The following ELFN1 variants were observed in gnomAD, a reference collection of about 807,000 sequenced individuals.
The protein encoded by ELFN1 is extracellular leucine rich repeat and fibronectin type III domain containing 1.
In ELFN1, 6 loss-of-function variants were observed where a neutral mutation model predicts 7.6. That is an observed-to-expected ratio of 0.79 (90% CI 0.43 to 1.56). ELFN1 has a LOEUF of 1.56. Ranked by LOEUF, ELFN1 falls within the 40% of genes most tolerant of loss-of-function variation. ELFN1 has a pLI of 0.01. For synonymous variants in ELFN1, 657 were observed against 588.1 expected (o/e 1.12, Z -1.70); for missense variants, 1,169 against 1,232.2 (o/e 0.95, Z 0.77).
chr7:1,670,167 G>A (rs1778734654), upstream of ELFN1, among the ~76,000 whole-genome samples: 1 of 142,982 alleles, frequency 7.0e-6, no homozygotes, highest in Non-Finnish European at 1.6e-5. The surrounding 1 kb of genome is among the most constrained non-coding windows in gnomAD (Gnocchi z 6.4). Context: ...GGGAGGGAGG[G>A]AGGGAAGGGG....
In ELFN1 at chr7:1,747,520, G is replaced by A. The variant is rs1278474463; in HGVS notation, c.*437G>A. 1.3e-4 allele frequency: 22 copies of A among 165,356 alleles called. No individual in the cohort carries two copies. Among genetic ancestry groups the A allele is most frequent in the Non-Finnish European group, 1.5e-5 (1 of 68,260 alleles). The allele number at this position is 165,356 out of a possible 1,614,324, so 10.2% of individuals were successfully genotyped here. A position where few individuals can be genotyped will look rare whatever the true frequency, so the allele number is the denominator to read the frequency against. ...TAAAAAGACATAAAATGCCATCCGT[G>A]GGGGGTGTGGCCGGCGTGGCCACCT... On this transcript the variant is annotated 3_prime_UTR_variant, in exon 4 of 4. Coordinates refer to ENST00000424383, the MANE Select transcript of ELFN1 (RefSeq NM_001128636.4).
intron 3 of ELFN1, among the ~76,000 whole-genome samples, chr7:1,713,342 C>T (rs563998565): frequency 1.3e-5 from 2 of 152,304 alleles, no homozygotes; most frequent in South Asian, 2.1e-4. Flanking sequence ...GGCTCCTGTG[C>T]GGTCTGACGG....
chr7:1,667,690 G>A (rs1778690823), upstream of ELFN1, among the ~76,000 whole-genome samples: 1 of 152,154 alleles, frequency 6.6e-6, no homozygotes, highest in African/African-American at 2.4e-5. The surrounding 1 kb of genome is among the most constrained non-coding windows in gnomAD (Gnocchi z 8.2). Context: ...GGCCAGCGCC[G>A]GCCCCGCCCC....
intron 2 of ELFN1, chr7:1,693,665 A>G (rs1195291282): frequency 2.1e-6 from 1 of 471,186 alleles, no homozygotes; most frequent in Non-Finnish European, 4.4e-6. Context: ...GAGCACAGAC[A>G]CATGCGTGCA....
At chr7:1,704,242 G>T (rs1203146548) in intron 2 of ELFN1, among the ~76,000 whole-genome samples, 1 of 152,144 alleles carries the variant, frequency 6.6e-6, no homozygotes, top group African/African-American at 2.4e-5. Flanking sequence ...GGGCTGGTGG[G>T]TGGGGCCACC....
rs924111982 is a variant in ELFN1 at position 1,670,432 on chromosome 7, GC to G, written c.-549+84del. 1.3e-4 allele frequency among the ~76,000 whole-genome samples: 19 copies of G among 151,740 alleles called. No homozygotes were observed. The highest frequency in any genetic ancestry group is 1.2e-3 in the South Asian group (6 of 4,814). ...CACCCCCGGGGAGCGGCGCGGCCAA[GC>G]CCCCCGCCACCTCGAACCCCGGGCG... On this transcript the variant is annotated intron_variant, in intron 1 of 3. Transcript: ENST00000424383. This position sits in a 1 kb window ranked among gnomAD's most constrained non-coding sequence, Gnocchi z 6.4.
In ELFN1 at chr7:1,670,402, C is replaced by T. The variant is rs1010625222; in HGVS notation, c.-549+48C>T. On this transcript the variant is annotated intron_variant, in intron 1 of 3. Transcript: ENST00000424383. This position sits in a 1 kb window ranked among gnomAD's most constrained non-coding sequence, Gnocchi z 6.4. ...CGCTGAACCTGGGGGACTTGGGACCCGGACCACCCCCGGGGAGCGGCGCGG... is the reference window on the plus strand; with the variant it reads ...CGCTGAACCTGGGGGACTTGGGACCTGGACCACCCCCGGGGAGCGGCGCGG... Among the ~76,000 whole-genome samples the T allele has an allele frequency of 2.0e-5, 3 of 151,672 alleles. No homozygotes were observed. Among genetic ancestry groups the T allele is most frequent in the Non-Finnish European group, 4.4e-5 (3 of 67,856 alleles).
intron 2 of ELFN1, among the ~76,000 whole-genome samples, chr7:1,694,754 G>A (rs1033974133): frequency 2.6e-5 from 4 of 152,182 alleles, no homozygotes; most frequent in African/African-American, 9.7e-5. Context: ...CCCGCACAGC[G>A]GTCCTTTGCC....
chr7:1,746,530 C>G lies in ELFN1; in HGVS notation c.1934C>G (p.Ser645Cys), dbSNP rs754344742. 7.7e-6 allele frequency: 11 copies of G among 1,432,112 alleles called. No individual in the cohort carries two copies. In the South Asian group the frequency reaches 1.5e-4, roughly 19 times the overall value. The allele number at this position is 1,432,112 out of a possible 1,614,324, so 88.7% of individuals were successfully genotyped here. A position where few individuals can be genotyped will look rare whatever the true frequency, so the allele number is the denominator to read the frequency against. The change falls in exon 4 of 4, where the codon TCC becomes TGC. Residue 645 changes from serine (S) to cysteine (C), a missense_variant. Ser to Cys is a moderately radical substitution (Grantham distance 112, BLOSUM62 -1). Around this residue, in one of 2 missense-constraint regions of ELFN1, gnomAD observed 914 missense variants for 872.6 expected, o/e 1.05. Transcript: ENST00000424383. ...PPRASTSSSG[S>C]VRSPRAFRAE... ...CGTGCCAGCACCTCGTCCAGCGGCTCCGTGCGCAGCCCCCGCGCCTTCCGA... is the reference window on the plus strand; with the variant it reads ...CGTGCCAGCACCTCGTCCAGCGGCTGCGTGCGCAGCCCCCGCGCCTTCCGA...
chr7:1,703,146 G>T (rs559210491), intron 2 of ELFN1, among the ~76,000 whole-genome samples: 2 of 152,064 alleles, frequency 1.3e-5, no homozygotes, highest in Non-Finnish European at 2.9e-5. Flanking sequence ...CTGATTATAC[G>T]GGAGGTTGAG....
chr7:1,690,108 G>A, intron 2 of ELFN1, among the ~76,000 whole-genome samples: 1 of 152,004 alleles, frequency 6.6e-6, no homozygotes, highest in Non-Finnish European at 1.5e-5. Context: ...TGCATGGGTT[G>A]ATGGATGGGC....
chr7:1,710,600 T>C (rs1483295062), intron 3 of ELFN1, among the ~76,000 whole-genome samples: 2 of 152,172 alleles, frequency 1.3e-5, no homozygotes, highest in Non-Finnish European at 2.9e-5. Flanking sequence ...ATGTTACAGG[T>C]GGGGAAACTG....
At chr7:1,744,252 CCGCTGTCTTCTCTCTT>C in intron 3 of ELFN1, 36 bp from the exon 4 acceptor site, 1 of 120,488 alleles carries the variant, frequency 8.3e-6, no homozygotes. Context: ...CGTCCCCTGA[CCGCTGTCTTCTCTCTT>C]GTCCCCTGAC....
chr7:1,741,604 C>T (rs1780616111), intron 3 of ELFN1, among the ~76,000 whole-genome samples: 1 of 152,258 alleles, frequency 6.6e-6, no homozygotes, highest in Non-Finnish European at 1.5e-5. Flanking sequence ...AAAGGGCTGG[C>T]AGGGGATGAA....
At chr7:1,675,644 TGGG>T (rs760912018) in intron 1 of ELFN1, among the ~76,000 whole-genome samples, 4 of 152,008 alleles carry the variant, frequency 2.6e-5, no homozygotes, top group African/African-American at 4.8e-5. Flanking sequence ...GGTCTGGAAA[TGGG>T]GGGGCCGTCG....
At chr7:1,703,791 C>T (rs1307558150) in intron 2 of ELFN1, among the ~76,000 whole-genome samples, 1 of 152,144 alleles carries the variant, frequency 6.6e-6, no homozygotes, top group Non-Finnish European at 1.5e-5. Flanking sequence ...AACTCTCGGC[C>T]GAGTTTAGCT....
chr7:1,686,679 A>G (rs182480739), intron 1 of ELFN1, among the ~76,000 whole-genome samples: 2 of 151,846 alleles, frequency 1.3e-5, no homozygotes, highest in Non-Finnish European at 2.9e-5. Flanking sequence ...TTCAGGCCTG[A>G]CCTGGTTTCT....
intron 1 of ELFN1, among the ~76,000 whole-genome samples, chr7:1,672,874 C>G (rs1236645677): frequency 3.3e-5 from 5 of 152,064 alleles, no homozygotes; most frequent in Non-Finnish European, 7.3e-5. Context: ...AAGAAACAGG[C>G]AGGCCCTCGA....
chr7:1,719,852 A>G (rs1334521882), intron 3 of ELFN1, among the ~76,000 whole-genome samples: 1 of 144,714 alleles, frequency 6.9e-6, no homozygotes, highest in Non-Finnish European at 1.5e-5. Context: ...GCCTCTGCAA[A>G]CCCTAGCCCC....
Sources: allele counts gnomAD v4.1 joint callset (sites outside exome capture counted in the v4.1 genomes callset), GRCh38; gene constraint gnomAD v4.1.1; regional missense constraint gnomAD v4.1.1; non-coding constraint Gnocchi (gnomAD v3.1); transcripts MANE v1.5; gene names NCBI Gene and HGNC (gene_info 2026-07-23, HGNC 2026-07-21).